FOCAD: variants seen among roughly 807,000 people sequenced by gnomAD.
FOCAD encodes the protein focadhesin.
A neutral mutation model predicts 225.6 loss-of-function variants in FOCAD; 198 were observed. The observed-to-expected ratio is 0.88, with a 90% CI of 0.78 to 0.99. FOCAD has a LOEUF of 0.99. Among genes scored for constraint, FOCAD ranks in the 50% least tolerant of loss-of-function variants. The probability of loss-of-function intolerance (pLI) is 0.00; values close to 1 mark genes in which losing one functional copy is unlikely to be tolerated. For synonymous variants in FOCAD, 897 were observed against 755.0 expected (o/e 1.19, Z -3.08); for missense variants, 2,713 against 2,123.6 (o/e 1.28, Z -5.46).
intron 33 of FOCAD, among the ~76,000 whole-genome samples, 175 bp from the exon 34 acceptor site, chr9:20,950,821 C>G (rs1410569091): frequency 6.6e-6 from 1 of 152,160 alleles, no homozygotes; most frequent in Non-Finnish European, 1.5e-5. Flanking sequence ...TGTTGAGTAT[C>G]TATATGACAC....
At chr9:20,976,645 A>G (rs113325264) in intron 36 of FOCAD, 97 bp downstream of exon 36, 7 of 1,275,582 alleles carry the variant, frequency 5.5e-6, no homozygotes, top group African/African-American at 4.4e-5. Flanking sequence ...GTGACTGGAT[A>G]GACTTTTCAG....
At chr9:20,780,364 A>G (rs1429920922) in intron 9 of FOCAD, among the ~76,000 whole-genome samples, 1 of 152,234 alleles carries the variant, frequency 6.6e-6, no homozygotes, top group Non-Finnish European at 1.5e-5. Flanking sequence ...CTATGTTCTT[A>G]TATTGTGGTT....
In FOCAD at chr9:20,894,736, A is replaced by T. The variant is rs568083969; in HGVS notation, c.2625+9506A>T. Among the ~76,000 whole-genome samples the T allele has an allele frequency of 1.2e-4, 19 of 152,168 alleles. No homozygotes were observed. The South Asian group carries it at 3.7e-3, about 30-fold the overall frequency. On this transcript the variant is annotated intron_variant, in intron 21 of 43. Coordinates refer to ENST00000338382, the MANE Select transcript of FOCAD (RefSeq NM_001375567.1). ...CGTATATTTTGGATAATAGTCCTTT[A>T]TCAGATCTGCCTTTTGCAAATATTT...
intron 21 of FOCAD, among the ~76,000 whole-genome samples, chr9:20,906,760 G>T (rs1257531377): frequency 1.3e-5 from 2 of 152,064 alleles, no homozygotes; most frequent in Non-Finnish European, 2.9e-5. Context: ...CAGGATATGA[G>T]CAATATTTAT....
intron 21 of FOCAD, among the ~76,000 whole-genome samples, chr9:20,900,746 A>G (rs1221035865): frequency 6.6e-6 from 1 of 151,926 alleles, no homozygotes; most frequent in African/African-American, 2.4e-5. Flanking sequence ...CATAATTACC[A>G]TGTGGATGTG....
chr9:20,785,623 T>C (rs185223369), intron 10 of FOCAD, among the ~76,000 whole-genome samples: 7 of 152,332 alleles, frequency 4.6e-5, no homozygotes, highest in African/African-American at 1.7e-4. Flanking sequence ...TAATATTCCA[T>C]TGTATGGATA....
At chr9:20,979,076 A>G (rs1840459375) in intron 37 of FOCAD, among the ~76,000 whole-genome samples, 2 of 152,244 alleles carry the variant, frequency 1.3e-5, no homozygotes. Flanking sequence ...GATAGGAAGA[A>G]TAGGGCAAGA....
rs1564245784 is a variant in FOCAD at position 20,986,269 on chromosome 9, T to TTTTTTTTTTTTTTTTTTTTTTTTTTTA, written c.4729-5_4729-4insTTTTTTTTTTTTATTTTTTTTTTTTTT. 1.7e-6 allele frequency: 2 copies of TTTTTTTTTTTTTTTTTTTTTTTTTTTA among 1,191,798 alleles called. 1 individual carries two copies. The highest frequency in any genetic ancestry group is 6.8e-5 in the East Asian group (2 of 29,294). 73.8% of individuals were successfully genotyped at this position (1,191,798 alleles called of 1,614,324 possible). A position where few individuals can be genotyped will look rare whatever the true frequency, so the allele number is the denominator to read the frequency against. On this transcript the variant is annotated intron_variant, in intron 39 of 43. Transcript: ENST00000338382. ...TTAATTTAATAGTAACTAAACAATT[T>TTTTTTTTTTTTTTTTTTTTTTTTTTTA]TTTTTTTTTTTTTTGCAGAGCAACA...
At chr9:20,988,204 G>A (rs1336929392) in intron 40 of FOCAD, 128 bp from the exon 41 acceptor site, 1 of 515,542 alleles carries the variant, frequency 1.9e-6, no homozygotes, top group East Asian at 3.2e-5. Flanking sequence ...GGTATTGCAA[G>A]GGAACATGAA....
intron 18 of FOCAD, among the ~76,000 whole-genome samples, chr9:20,870,235 G>A (rs145765618): frequency 2.0e-4 from 30 of 152,218 alleles, no homozygotes; most frequent in African/African-American, 6.5e-4. Flanking sequence ...GTATAAATAT[G>A]GTGTAACCCG....
chr9:20,874,749 A>G lies in FOCAD; in HGVS notation c.2259A>G (p.Ser753=). Residue 753 remains serine, a synonymous_variant, in exon 19 of 44, where the codon TCA becomes TCG. Transcript: ENST00000338382. Reference sequence around the variant, plus strand: ...AAGATGTTGAGGATGTGGATCTTTCAGTTCCTGGCTCTTGCTATCTCAAAC... The same window carrying G: ...AAGATGTTGAGGATGTGGATCTTTCGGTTCCTGGCTCTTGCTATCTCAAAC... ...DDEDVEDVDL[S]VPGSCYLKLL... The G allele has an allele frequency of 6.2e-7, 1 of 1,613,734 alleles. No homozygotes were observed. The highest frequency in any genetic ancestry group is 8.5e-7 in the Non-Finnish European group (1 of 1,179,740).
chr9:20,728,149 A>AT (rs555544968), intron 4 of FOCAD, among the ~76,000 whole-genome samples: 3 of 151,926 alleles, frequency 2.0e-5, no homozygotes, highest in South Asian at 4.2e-4. Context: ...TTAAAAAAAA[A>AT]TTTTTTTTGA....
chr9:20,799,066 TC>T (rs1238811627), intron 11 of FOCAD, among the ~76,000 whole-genome samples: 1 of 152,256 alleles, frequency 6.6e-6, no homozygotes. Flanking sequence ...CTCATTGGTT[TC>T]AAAGAATATC....
intron 15 of FOCAD, among the ~76,000 whole-genome samples, chr9:20,847,746 A>G (rs1361665051): frequency 1.3e-5 from 2 of 152,104 alleles, no homozygotes; most frequent in Non-Finnish European, 2.9e-5. Flanking sequence ...TCCCTGTAAA[A>G]CGAAATTTAA....
At chr9:20,789,115 A>AAT in intron 10 of FOCAD, among the ~76,000 whole-genome samples, 1 of 152,284 alleles carries the variant, frequency 6.6e-6, no homozygotes, top group Non-Finnish European at 1.5e-5. Flanking sequence ...ATGAATGGTA[A>AAT]ATATGAGGAA....
chr9:20,701,896 G>C (rs1489958708), intron 1 of FOCAD, among the ~76,000 whole-genome samples: 1 of 152,074 alleles, frequency 6.6e-6, no homozygotes, highest in African/African-American at 2.4e-5. Context: ...GATTTAACAC[G>C]TATGTGCAAA....
chr9:20,937,018 C>A (rs920306982), intron 28 of FOCAD, among the ~76,000 whole-genome samples: 4 of 151,866 alleles, frequency 2.6e-5, no homozygotes, highest in East Asian at 1.9e-4. Context: ...ATCCAACTTA[C>A]AAGGGATGTG....
intron 11 of FOCAD, among the ~76,000 whole-genome samples, chr9:20,812,687 C>G (rs1214220242): frequency 1.3e-5 from 2 of 152,000 alleles, no homozygotes; most frequent in Non-Finnish European, 2.9e-5. Context: ...TTTGCTGTTA[C>G]TCTGCCAAGG....
chr9:20,990,095 C>T lies in FOCAD; in HGVS notation c.5005-28C>T, dbSNP rs893650487. ...TACTTTGAATTGTTAAAAAATATGACCTAACGTCATTTCTATTTTCATCGT... is the reference window on the plus strand; with the variant it reads ...TACTTTGAATTGTTAAAAAATATGATCTAACGTCATTTCTATTTTCATCGT... On this transcript the variant is annotated intron_variant, in intron 41 of 43. Coordinates refer to ENST00000338382, the MANE Select transcript of FOCAD (RefSeq NM_001375567.1). 6 of 1,612,572 alleles carry T rather than the reference C, an allele frequency of 3.7e-6. No individual in the cohort carries two copies. In the African/African-American group the frequency reaches 5.3e-5, roughly 14 times the overall value.
Sources: gnomAD v4.1 joint callset for allele counts (sites outside exome capture counted in the v4.1 genomes callset) on GRCh38, gnomAD v4.1.1 for gene constraint, MANE v1.5 for transcripts, NCBI Gene and HGNC (gene_info 2026-07-23, HGNC 2026-07-21) for gene names.